LMBRD1: variants seen among roughly 807,000 people sequenced by gnomAD.
The protein encoded by LMBRD1 is lysosomal cobalamin transport escort protein LMBD1.
A neutral mutation model predicts 74.8 loss-of-function variants in LMBRD1; 64 were observed. That is an observed-to-expected ratio of 0.86 (90% CI 0.70 to 1.05). The LOEUF is 1.05. Among genes scored for constraint, LMBRD1 ranks in the 50% least tolerant of loss-of-function variants. The pLI, the probability that LMBRD1 is intolerant of heterozygous loss-of-function variation, is 0.00. For missense variants in LMBRD1, 652 were observed against 645.9 expected, an observed-to-expected ratio of 1.01 and a Z score of -0.10; for synonymous variants, 204 against 216.3, an observed-to-expected ratio of 0.94 and a Z score of 0.50.
At chr6:69,699,234 T>C (rs1766075275) in intron 12 of LMBRD1, 42 bp from the exon 13 acceptor site, 2 of 1,522,624 alleles carry the variant, frequency 1.3e-6, no homozygotes, top group Non-Finnish European at 1.8e-6. Flanking sequence ...ATATATTTCA[T>C]TTATAAAGCA....
intron 3 of LMBRD1, among the ~76,000 whole-genome samples, chr6:69,780,117 CT>C (rs34490213): frequency 0.31 from 35,720 of 115,262 alleles, 5,879 homozygotes; most frequent in East Asian, 0.51. Flanking sequence ...TGGGAGGGTC[CT>C]TTTTTTTTTT....
At position 69,765,683 on chromosome 6, in the gene LMBRD1, T is replaced by C. The variant is rs538857491; in HGVS notation, c.308-13327A>G. On this transcript the variant is annotated intron_variant, in intron 3 of 15. Transcript: ENST00000649934. The stretch of plus-strand genomic sequence containing the variant: ...CTGTGTGACTTTAATAGAGGCTGCA[T>C]TCAACTTATAGGTCAGTTTGAGAGA... 2.1e-3 allele frequency among the ~76,000 whole-genome samples: 323 copies of C among 152,316 alleles called. 1 individual carries two copies. The highest frequency in any genetic ancestry group is 7.4e-3 in the African/African-American group (306 of 41,588).
At chr6:69,727,444 T>G (rs930395885) in intron 7 of LMBRD1, among the ~76,000 whole-genome samples, 2 of 152,246 alleles carry the variant, frequency 1.3e-5, no homozygotes, top group Admixed American at 1.3e-4. Flanking sequence ...GGAGGGATAC[T>G]CAACCTGTAG....
At chr6:69,680,721 AT>A (rs1765642108) in intron 14 of LMBRD1, among the ~76,000 whole-genome samples, 1 of 152,144 alleles carries the variant, frequency 6.6e-6, no homozygotes, top group African/African-American at 2.4e-5. Context: ...CTTTATATGC[AT>A]CTTTATACAT....
At chr6:69,778,951 G>A (rs2149892286) in intron 3 of LMBRD1, among the ~76,000 whole-genome samples, 1 of 152,156 alleles carries the variant, frequency 6.6e-6, no homozygotes, top group Middle Eastern at 3.4e-3. Context: ...ACTTCGGAAG[G>A]CCAGGATGGG....
intron 14 of LMBRD1, among the ~76,000 whole-genome samples, chr6:69,689,454 G>A (rs920341778): frequency 1.1e-4 from 17 of 152,098 alleles, no homozygotes; most frequent in African/African-American, 4.1e-4. Flanking sequence ...GGTTGGGTGG[G>A]CTGGACCACT....
In LMBRD1 at chr6:69,700,796, C is replaced by T. The variant is rs772350306; in HGVS notation, c.1157G>A (p.Arg386Gln). The change falls in exon 12 of 16, where the codon CGA (arginine) becomes CAA (glutamine). Residue 386 changes from arginine (R) to glutamine (Q), a missense_variant. Coordinates refer to ENST00000649934, the MANE Select transcript of LMBRD1 (RefSeq NM_018368.4). ...YFIFTSMAGIRNIGIWFFWIR... is the reference protein window; with the variant it reads ...YFIFTSMAGIQNIGIWFFWIR... ...CCAAAAGAACCATATGCCAATATTT[C>T]GAATTCCTGCCATTGAAGTAAAAAT... The T allele has an allele frequency of 1.5e-5, 22 of 1,512,558 alleles. No individual in the cohort carries two copies. Among genetic ancestry groups the T allele is most frequent in the Non-Finnish European group, 1.8e-5 (20 of 1,110,274 alleles). 93.7% of individuals were successfully genotyped at this position (1,512,558 alleles called of 1,614,324 possible).
At chr6:69,681,544 T>G (rs566863869) in intron 14 of LMBRD1, among the ~76,000 whole-genome samples, 2 of 152,178 alleles carry the variant, frequency 1.3e-5, no homozygotes, top group African/African-American at 4.8e-5. Context: ...TGAGTCATCA[T>G]GTTAAACCTT....
At chr6:69,736,748 G>A (rs1355694516) in intron 7 of LMBRD1, among the ~76,000 whole-genome samples, 1 of 152,174 alleles carries the variant, frequency 6.6e-6, no homozygotes, top group Admixed American at 6.6e-5. Flanking sequence ...CACTGATCCA[G>A]AAAGGTTAAA....
intron 14 of LMBRD1, among the ~76,000 whole-genome samples, chr6:69,677,747 T>C (rs944817830): frequency 6.6e-5 from 10 of 152,064 alleles, no homozygotes; most frequent in African/African-American, 2.4e-4. Context: ...TCTAAAGAAA[T>C]AGGAAAATCA....
At chr6:69,698,486 T>A (rs1055246060) in intron 13 of LMBRD1, among the ~76,000 whole-genome samples, 1 of 151,990 alleles carries the variant, frequency 6.6e-6, no homozygotes, top group Non-Finnish European at 1.5e-5. Flanking sequence ...GAATCAGATA[T>A]GGTCAGAATA....
chr6:69,749,198 G>A, intron 5 of LMBRD1, 143 bp downstream of exon 5: 2 of 682,116 alleles, frequency 2.9e-6, no homozygotes, highest in Non-Finnish European at 5.0e-6. Flanking sequence ...TGTGGCTATT[G>A]TTCCTTGGAG....
intron 7 of LMBRD1, among the ~76,000 whole-genome samples, chr6:69,737,393 G>C (rs1034531178): frequency 6.6e-6 from 1 of 151,736 alleles, no homozygotes; most frequent in Non-Finnish European, 1.5e-5. Flanking sequence ...GGAAGACTGA[G>C]GGGAAAAAAG....
rs897348539 is a variant in LMBRD1 at position 69,752,332 on chromosome 6, C to T, written c.332G>A (p.Cys111Tyr). The change falls in exon 4 of 16, where the codon TGT (cysteine) becomes TAT (tyrosine). Residue 111 changes from cysteine to tyrosine, a missense_variant. Cys to Tyr is a radical substitution (Grantham distance 194). Coordinates refer to ENST00000649934, the MANE Select transcript of LMBRD1 (RefSeq NM_018368.4). ...GACAAAAGGGATCCAGAAGAACACA[C>T]AGAACAATATAACAGAATATAAAGC... ...YYTLYSVILF[C>Y]VFFWIPFVYF... 9 of 1,609,592 alleles carry T rather than the reference C, an allele frequency of 5.6e-6. No individual in the cohort carries two copies. In the East Asian group the frequency reaches 6.7e-5, roughly 12 times the overall value.
chr6:69,732,641 T>C (rs555527783), intron 7 of LMBRD1, among the ~76,000 whole-genome samples: 1 of 152,292 alleles, frequency 6.6e-6, no homozygotes, highest in East Asian at 1.9e-4. Flanking sequence ...TAGTTTATAT[T>C]TTACATTAAA....
chr6:69,747,128 C>T (rs567049262), intron 5 of LMBRD1, among the ~76,000 whole-genome samples: 3 of 151,408 alleles, frequency 2.0e-5, no homozygotes, highest in African/African-American at 4.9e-5. Context: ...TTTGGATATA[C>T]GTCATTTAGC....
intron 5 of LMBRD1, among the ~76,000 whole-genome samples, chr6:69,748,197 T>C (rs1380980330): frequency 6.6e-6 from 1 of 152,188 alleles, no homozygotes; most frequent in African/African-American, 2.4e-5. Flanking sequence ...ACAAAGACCA[T>C]ACAGACAATA....
chr6:69,741,683 C>T, intron 6 of LMBRD1, 106 bp downstream of exon 6: 1 of 720,202 alleles, frequency 1.4e-6, no homozygotes, highest in Admixed American at 2.1e-5. Context: ...GCCACCACGC[C>T]CAGCTGGGGT....
chr6:69,726,112 GAC>G (rs1210934640), intron 7 of LMBRD1, among the ~76,000 whole-genome samples: 2 of 152,074 alleles, frequency 1.3e-5, no homozygotes, highest in Non-Finnish European at 2.9e-5. Flanking sequence ...ACATACAAAT[GAC>G]AGACAAATGA....
Sources: gnomAD v4.1 joint callset for allele counts (sites outside exome capture counted in the v4.1 genomes callset) on GRCh38, gnomAD v4.1.1 for gene constraint, MANE v1.5 for transcripts, NCBI Gene and HGNC (gene_info 2026-07-23, HGNC 2026-07-21) for gene names.